RTEL1: variants seen among roughly 807,000 people sequenced by gnomAD.
RTEL1 encodes regulator of telomere elongation helicase 1, also known as regulator of telomere length.
Under a neutral mutation model 162.2 loss-of-function variants are expected in RTEL1, and 86 were observed. That is an observed-to-expected ratio of 0.53 (90% confidence interval 0.45 to 0.63). The LOEUF is 0.63. Among genes scored for constraint, RTEL1 ranks in the 30% least tolerant of loss-of-function variants. RTEL1 has a pLI of 0.00. For missense variants in RTEL1, 1,941 were observed against 1,750.2 expected, an observed-to-expected ratio of 1.11 and a Z score of -1.95; for synonymous variants, 958 against 717.9, an observed-to-expected ratio of 1.33 and a Z score of -5.35.
Position 63,659,379 on chromosome 20 carries a change from G to T in RTEL1, c.-24G>T. On this transcript the variant is annotated 5_prime_UTR_variant, in exon 2 of 35. Coordinates refer to ENST00000360203, the MANE Select transcript of RTEL1 (RefSeq NM_001283009.2). ...ATAGCCTGCCCCTCAGCCACGCTCT[G>T]TGCCCTTCTGAGAACAGGCTGATAT... is the stretch of plus-strand genomic sequence containing the variant. 1 of 1,580,898 alleles carries T rather than the reference G, an allele frequency of 6.3e-7. No individual in the cohort carries two copies. The highest frequency in any genetic ancestry group is 8.7e-7 in the Non-Finnish European group (1 of 1,149,876).
intron 30 of RTEL1, among the ~76,000 whole-genome samples, chr20:63,693,543 A>ACCTCCACCACCT: frequency 4.6e-5 from 1 of 21,624 alleles, no homozygotes; most frequent in East Asian, 6.1e-4. Context: ...CACCACCACC[A>ACCTCCACCACCT]CCACCACCAC....
chr20:63,693,947 C>T (rs564829477), intron 30 of RTEL1, among the ~76,000 whole-genome samples: 4 of 151,378 alleles, frequency 2.6e-5, no homozygotes, highest in Admixed American at 6.6e-5. Context: ...CCCCTGTCCT[C>T]CCTGTTTCTG....
At position 63,692,828 on chromosome 20, in the gene RTEL1, G is replaced by A. The variant is rs1178761371; in HGVS notation, c.2676G>A (p.Gln892=). The change falls in exon 29 of 35, where the codon CAG becomes CAA. Residue 892 remains glutamine (Q), a synonymous_variant. Coordinates refer to ENST00000360203, the MANE Select transcript of RTEL1 (RefSeq NM_001283009.2). ...AGGAGGAGCCCGTGGCTGGTGCACA[G>A]ACGGACAGGGCCAAGCTCTTCATGG... ...SHPEEPVAGA[Q]TDRAKLFMVA... The A allele has an allele frequency of 1.9e-6, 3 of 1,612,198 alleles. No homozygotes were observed. The highest frequency in any genetic ancestry group is 2.7e-5 in the African/African-American group (2 of 74,930).
In RTEL1 at chr20:63,694,984, C is replaced by T. The variant is rs2145476386; in HGVS notation, c.3343+10C>T. ...TTCCCCCTGCTGCACAGCAAGTGGC[C>T]CTGGCGTGGGGAACAGCCGGTGGGG... On this transcript the variant is annotated intron_variant, in intron 32 of 34. Coordinates refer to ENST00000360203, the MANE Select transcript of RTEL1 (RefSeq NM_001283009.2). The T allele has an allele frequency of 6.2e-7, 1 of 1,611,826 alleles. No individual in the cohort carries two copies. Among genetic ancestry groups the T allele is most frequent in the Non-Finnish European group, 8.5e-7 (1 of 1,179,376 alleles).
chr20:63,661,442 G>A lies in RTEL1; in HGVS notation c.247G>A (p.Asp83Asn), dbSNP rs1047372880. 1 of 1,613,638 alleles carries A rather than the reference G, an allele frequency of 6.2e-7. No individual in the cohort carries two copies. The highest frequency in any genetic ancestry group is 1.1e-5 in the South Asian group (1 of 91,082). The change falls in exon 3 of 35, where the codon GAT (aspartate) becomes AAT (asparagine). Residue 83 changes from aspartate (D) to asparagine (N), a missense_variant. Physicochemically the swap from Asp to Asn is conservative, Grantham distance 23 (BLOSUM62 1). Coordinates refer to ENST00000360203, the MANE Select transcript of RTEL1 (RefSeq NM_001283009.2). The surrounding 1 kb of genome is among the most constrained non-coding windows in gnomAD (Gnocchi z 5.1). ...AERAQGELFP[D>N]RALSSWGNAA... ...GAGGGCGCAAGGAGAGCTTTTCCCGGATCGGGCCTTGTCATCCTGGGGCAA... is the reference window on the plus strand; with the variant it reads ...GAGGGCGCAAGGAGAGCTTTTCCCGAATCGGGCCTTGTCATCCTGGGGCAA...
intron 21 of RTEL1, 148 bp downstream of exon 21, chr20:63,688,753 C>T: frequency 1.4e-6 from 1 of 703,774 alleles, no homozygotes; most frequent in Non-Finnish European, 2.3e-6. Context: ...CTTCCTGGCC[C>T]TGAGTGTTGC....
chr20:63,672,946 T>A (rs4809321), intron 9 of RTEL1, among the ~76,000 whole-genome samples: 5 of 152,262 alleles, frequency 3.3e-5, no homozygotes, highest in African/African-American at 7.2e-5. Context: ...AGCAGCAGGC[T>A]TGTGGTCTTG....
chr20:63,685,424 C>T (rs2090570520), intron 14 of RTEL1, 99 bp from the exon 15 acceptor site: 3 of 1,246,720 alleles, frequency 2.4e-6, no homozygotes, highest in South Asian at 1.4e-5. Context: ...GAACCGATGA[C>T]CCCTGGGTGT....
chr20:63,694,490 T>C lies in RTEL1; in HGVS notation c.3109+2T>C. On this transcript the variant is annotated splice_donor_variant, in intron 31 of 34. Transcript: ENST00000360203. LOFTEE classifies it high-confidence loss of function. ...TGTCGCCCAGGCCACCCCCAACAGG[T>C]AGCTGACTCCTGAACCGTGTGCAGC... 6.3e-7 allele frequency: 1 copy of C among 1,591,328 alleles called. No homozygotes were observed. Among genetic ancestry groups the C allele is most frequent in the South Asian group, 1.1e-5 (1 of 90,354 alleles).
At chr20:63,680,174 C>G (rs1435219237) in intron 13 of RTEL1, among the ~76,000 whole-genome samples, 2 of 152,224 alleles carry the variant, frequency 1.3e-5, no homozygotes, top group South Asian at 4.1e-4. Flanking sequence ...CAGCCTCATC[C>G]CATTATTCTG....
At chr20:63,677,680 G>GT (rs2090384654) in intron 10 of RTEL1, among the ~76,000 whole-genome samples, 1 of 152,250 alleles carries the variant, frequency 6.6e-6, no homozygotes, top group Non-Finnish European at 1.5e-5. Context: ...GATTTGGCCT[G>GT]TGTAGCCTCT....
Position 63,695,207 on chromosome 20 carries a change from G to A in RTEL1, c.3485G>A (p.Arg1162Lys), listed in dbSNP as rs1167950430. 1 of 1,611,992 alleles carries A rather than the reference G, an allele frequency of 6.2e-7. No homozygotes were observed. Residue 1162 changes from arginine (R) to lysine (K), a missense_variant, in exon 33 of 35, where the codon AGG (arginine) becomes AAG (lysine). Physicochemically the swap from Arg to Lys is conservative, Grantham distance 26. Transcript: ENST00000360203. Reference sequence around the variant, plus strand: ...GCCGTGCCTCCTGTGCTTACCCACAGGGCTCCCCAACCAGGTAGGGCACCT... The same window carrying A: ...GCCGTGCCTCCTGTGCTTACCCACAAGGCTCCCCAACCAGGTAGGGCACCT... The part of the protein sequence containing the change: ...RLAVPPVLTH[R>K]APQPGPSRSE...
At chr20:63,689,222 C>T in intron 22 of RTEL1, 90 bp downstream of exon 22, 1 of 1,278,064 alleles carries the variant, frequency 7.8e-7, no homozygotes. Context: ...GCCCTGGGGG[C>T]TGCCCGGTCC....
chr20:63,690,036 A>T, intron 24 of RTEL1, 51 bp from the exon 25 acceptor site: 2 of 1,591,788 alleles, frequency 1.3e-6, no homozygotes, highest in Middle Eastern at 1.8e-4. Context: ...CGGTGAACTG[A>T]ACCCTTGAAG....
Position 63,661,681 on chromosome 20 carries a change from G to T in RTEL1, c.302-169G>T. On this transcript the variant is annotated intron_variant, in intron 3 of 34. Transcript: ENST00000360203. The surrounding 1 kb of genome is among the most constrained non-coding windows in gnomAD (Gnocchi z 5.1). Reference sequence around the variant, plus strand: ...AAACCTAGGGTTGGGCTTTTTTGCTGAATTAGGGCACGGCAGATGCCCACT... The same window carrying T: ...AAACCTAGGGTTGGGCTTTTTTGCTTAATTAGGGCACGGCAGATGCCCACT... 2.3e-6 allele frequency: 2 copies of T among 873,234 alleles called. No individual in the cohort carries two copies. The highest frequency in any genetic ancestry group is 3.4e-5 in the South Asian group (2 of 59,050). The allele number at this position is 873,234 out of a possible 1,614,324, so 54.1% of individuals were successfully genotyped here. A position where few individuals can be genotyped will look rare whatever the true frequency, so the allele number is the denominator to read the frequency against.
intron 14 of RTEL1, chr20:63,681,517 A>G (rs1213608725): frequency 2.0e-6 from 2 of 983,214 alleles, no homozygotes; most frequent in Non-Finnish European, 2.4e-6. Context: ...CAGCGCTATG[A>G]CAGCTTCATG....
In RTEL1 at chr20:63,690,102, C is replaced by A; in HGVS notation, c.2157C>A (p.Asp719Glu). 6.2e-7 allele frequency: 1 copy of A among 1,611,760 alleles called. No homozygotes were observed. The highest frequency in any genetic ancestry group is 1.1e-5 in the South Asian group (1 of 91,090). The stretch of plus-strand genomic sequence containing the variant: ...CACCCCCCAGGTTCGCCTTTGCCGA[C>A]GCAAGAGCCCAACTGCCCTCCTGGG... The part of the protein sequence containing the change: ...FLCDHRFAFA[D>E]ARAQLPSWVR... Residue 719 changes from aspartate to glutamate, a missense_variant, in exon 25 of 35, where the codon GAC becomes GAA. Transcript: ENST00000360203.
chr20:63,690,239 G>A (rs372063072), intron 25 of RTEL1, 29 bp downstream of exon 25: 1 of 1,608,890 alleles, frequency 6.2e-7, no homozygotes, highest in Non-Finnish European at 8.5e-7. Context: ...AGGGGATGAG[G>A]GTGTTGTCCC....
chr20:63,664,669 T>G (rs1264376221), intron 6 of RTEL1, among the ~76,000 whole-genome samples: 1 of 152,218 alleles, frequency 6.6e-6, no homozygotes, highest in African/African-American at 2.4e-5. Context: ...TCGCACCCTG[T>G]CTGCCACCGG....
Sources: allele counts gnomAD v4.1 joint callset (sites outside exome capture counted in the v4.1 genomes callset), GRCh38; gene constraint gnomAD v4.1.1; non-coding constraint Gnocchi (gnomAD v3.1); transcripts MANE v1.5; gene names NCBI Gene and HGNC (gene_info 2026-07-23, HGNC 2026-07-21).